The following THSD4 variants were observed in gnomAD, a reference collection of about 807,000 sequenced individuals.
THSD4 encodes the protein thrombospondin type-1 domain-containing protein 4.
A neutral mutation model predicts 119.0 loss-of-function variants in THSD4; 69 were observed. The observed-to-expected ratio is 0.58, with a 90% CI of 0.48 to 0.71. The LOEUF (loss-of-function observed/expected upper bound fraction) is 0.71. Ranked by LOEUF, THSD4 falls within the 30% of genes least tolerant of loss-of-function variation. THSD4 has a pLI of 0.00. For synonymous variants in THSD4, 524 were observed against 540.4 expected (o/e 0.97, Z 0.42); for missense variants, 1,393 against 1,391.1 (o/e 1.00, Z -0.02).
At chr15:71,195,417 A>G (rs1463768258) in intron 3 of THSD4, among the ~76,000 whole-genome samples, 1 of 152,200 alleles carries the variant, frequency 6.6e-6, no homozygotes, top group African/African-American at 2.4e-5. Context: ...GAGGAAGGAC[A>G]TTTATCTTGT....
intron 4 of THSD4, among the ~76,000 whole-genome samples, chr15:71,226,717 T>C (rs1256716829): frequency 2.0e-5 from 3 of 152,184 alleles, no homozygotes; most frequent in Admixed American, 6.5e-5. Context: ...TTTCCTGACC[T>C]TCAGTCAATA....
At chr15:71,661,063 A>G (rs1057203566) in intron 8 of THSD4, among the ~76,000 whole-genome samples, 6 of 152,228 alleles carry the variant, frequency 3.9e-5, no homozygotes, top group Non-Finnish European at 5.9e-5. Flanking sequence ...AAGCGCGGAG[A>G]CCAGCCAGTG....
chr15:71,779,996 G>C lies in THSD4; in HGVS notation c.*2622G>C, dbSNP rs1315348879. The C allele has an allele frequency of 6.6e-6, 1 of 151,962 alleles. No homozygotes were observed. The highest frequency in any genetic ancestry group is 2.4e-5 in the African/African-American group (1 of 41,390). 9.4% of individuals were successfully genotyped at this position (151,962 alleles called of 1,614,324 possible). A position where few individuals can be genotyped will look rare whatever the true frequency, so the allele number is the denominator to read the frequency against. On this transcript the variant is annotated 3_prime_UTR_variant, in exon 18 of 18. Transcript: ENST00000261862. ...ACTAATTCCCTAGTTTTTTATTTCAGCATCTGAATGTCTTTCTCCCTAGCA... is the reference window on the plus strand; with the variant it reads ...ACTAATTCCCTAGTTTTTTATTTCACCATCTGAATGTCTTTCTCCCTAGCA...
intron 7 of THSD4, among the ~76,000 whole-genome samples, chr15:71,544,794 G>T (rs1389120637): frequency 6.6e-6 from 1 of 152,212 alleles, no homozygotes; most frequent in East Asian, 1.9e-4. Flanking sequence ...ACAAAATGTG[G>T]TATATCCATA....
intron 3 of THSD4, among the ~76,000 whole-genome samples, chr15:71,208,450 C>G (rs1194695036): frequency 6.6e-6 from 1 of 152,086 alleles, no homozygotes; most frequent in East Asian, 1.9e-4. Context: ...AAGGGGACTA[C>G]ACTGCTTCTC....
intron 7 of THSD4, among the ~76,000 whole-genome samples, chr15:71,647,316 G>T (rs1331977281): frequency 1.3e-5 from 2 of 152,142 alleles, no homozygotes; most frequent in Admixed American, 6.6e-5. Context: ...GCCAGCATGA[G>T]AATCATTCAT....
intron 3 of THSD4, among the ~76,000 whole-genome samples, chr15:71,195,836 G>C (rs556827941): frequency 6.6e-6 from 1 of 152,102 alleles, no homozygotes; most frequent in Non-Finnish European, 1.5e-5. Context: ...CTACATGCAG[G>C]ACACTGTACA....
rs548493517 is a variant in THSD4 at position 71,259,256 on chromosome 15, G to A, written c.1015+2541G>A. ...GACTGCTGGCAGCCACCAAGAGCTA[G>A]GCAGAGACAAGGAAGCATCCTTGCC... On this transcript the variant is annotated intron_variant, in intron 6 of 17. Coordinates refer to ENST00000261862, the MANE Select transcript of THSD4 (RefSeq NM_024817.3). Among the ~76,000 whole-genome samples, 50 of 152,274 alleles carry A rather than the reference G, an allele frequency of 3.3e-4. 1 individual carries two copies. In the South Asian group the frequency reaches 9.7e-3, roughly 30 times the overall value.
intron 7 of THSD4, among the ~76,000 whole-genome samples, chr15:71,573,758 CT>C (rs1263011630): frequency 6.6e-6 from 1 of 152,172 alleles, no homozygotes; most frequent in African/African-American, 2.4e-5. Flanking sequence ...GGATTATGAG[CT>C]ATAATAAATG....
intron 7 of THSD4, among the ~76,000 whole-genome samples, chr15:71,526,408 G>T (rs140701561): frequency 1.3e-5 from 2 of 152,136 alleles, no homozygotes; most frequent in African/African-American, 4.8e-5. Context: ...GGAGAGAGTC[G>T]CTTAGAGGTC....
intron 6 of THSD4, among the ~76,000 whole-genome samples, chr15:71,313,863 C>G (rs572406317): frequency 6.6e-6 from 1 of 152,224 alleles, no homozygotes; most frequent in Admixed American, 6.5e-5. Context: ...ATCAATTGTT[C>G]CTGTTAGAAT....
intron 7 of THSD4, among the ~76,000 whole-genome samples, chr15:71,630,400 A>G (rs1231402987): frequency 6.6e-6 from 1 of 152,214 alleles, no homozygotes; most frequent in Non-Finnish European, 1.5e-5. Context: ...AAAAATGTGC[A>G]GTACATCAGC....
intron 7 of THSD4, among the ~76,000 whole-genome samples, chr15:71,461,174 A>T (rs2047424098): frequency 6.6e-6 from 1 of 152,148 alleles, no homozygotes; most frequent in Non-Finnish European, 1.5e-5. Context: ...TGGGGCTGGA[A>T]GATTTGTTTG....
At chr15:71,180,813 G>C (rs2141421838) in intron 3 of THSD4, among the ~76,000 whole-genome samples, 1 of 152,242 alleles carries the variant, frequency 6.6e-6, no homozygotes, top group Non-Finnish European at 1.5e-5. Flanking sequence ...GAACCTTCCA[G>C]GGTGTTGGAA....
intron 7 of THSD4, 22 bp from the exon 8 acceptor site, chr15:71,660,508 T>C: frequency 6.2e-7 from 1 of 1,613,874 alleles, no homozygotes. Flanking sequence ...CTATGAGTCT[T>C]TTGTTTTCTG....
intron 8 of THSD4, among the ~76,000 whole-genome samples, chr15:71,696,842 G>A (rs1233480966): frequency 6.6e-6 from 1 of 152,188 alleles, no homozygotes. Flanking sequence ...CTATAAGGAA[G>A]AGTGAAGGAG....
At chr15:71,258,061 C>T (rs1456637272) in intron 6 of THSD4, among the ~76,000 whole-genome samples, 3 of 151,906 alleles carry the variant, frequency 2.0e-5, no homozygotes, top group South Asian at 4.2e-4. Context: ...TGATTTGGAT[C>T]CTGAAACAGA....
chr15:71,337,106 C>T (rs955479000), intron 6 of THSD4, among the ~76,000 whole-genome samples: 11 of 152,122 alleles, frequency 7.2e-5, no homozygotes, highest in African/African-American at 1.9e-4. Flanking sequence ...ATGTAGTGAC[C>T]GCCTTGGTCC....
chr15:71,116,278 A>C (rs899635123), intron 1 of THSD4, among the ~76,000 whole-genome samples: 1 of 152,264 alleles, frequency 6.6e-6, no homozygotes, highest in Non-Finnish European at 1.5e-5. Context: ...AACTCTGGAC[A>C]CTTCCTCAAG....
Sources: gnomAD v4.1 joint callset for allele counts (sites outside exome capture counted in the v4.1 genomes callset) on GRCh38, gnomAD v4.1.1 for gene constraint, MANE v1.5 for transcripts, NCBI Gene and HGNC (gene_info 2026-07-23, HGNC 2026-07-21) for gene names.